The following ME1 variants were observed in gnomAD, a reference collection of about 807,000 sequenced individuals.
ME1 encodes the protein NADP-dependent malic enzyme.
Under a neutral mutation model 66.4 loss-of-function variants are expected in ME1, and 74 were observed. That is an observed-to-expected ratio of 1.11 (90% confidence interval 0.92 to 1.35). ME1 has a LOEUF of 1.35. Among genes scored for constraint, ME1 ranks in the 40% most tolerant of loss-of-function variants. The pLI, the probability that ME1 is intolerant of heterozygous loss-of-function variation, is 0.00. For missense variants in ME1, 750 were observed against 694.1 expected (o/e 1.08, Z -0.90); for synonymous variants, 251 against 235.6 (o/e 1.07, Z -0.60).
At chr6:83,375,298 A>G (rs13196427) in intron 3 of ME1, among the ~76,000 whole-genome samples, 30,051 of 152,052 alleles carry the variant, frequency 0.2, 3,363 homozygotes, top group Middle Eastern at 0.38. Flanking sequence ...TTCTCCTTGA[A>G]GAGGTCCTTC....
intron 8 of ME1, 130 bp from the exon 9 acceptor site, chr6:83,237,960 C>T: frequency 2.0e-6 from 1 of 488,536 alleles, no homozygotes. Flanking sequence ...AGCCAAATAA[C>T]AATTATTTAC....
At chr6:83,280,651 G>T (rs1453889422) in intron 6 of ME1, among the ~76,000 whole-genome samples, 2 of 151,984 alleles carry the variant, frequency 1.3e-5, no homozygotes, top group Non-Finnish European at 2.9e-5. Context: ...CCCATGTTTT[G>T]GCAAGATGGT....
chr6:83,394,803 C>A (rs1052238451), intron 3 of ME1, among the ~76,000 whole-genome samples: 1 of 151,974 alleles, frequency 6.6e-6, no homozygotes, highest in Non-Finnish European at 1.5e-5. Context: ...GTATTTATTT[C>A]GATTGTTTCT....
intron 7 of ME1, among the ~76,000 whole-genome samples, chr6:83,245,549 G>T (rs538009444): frequency 1.3e-5 from 2 of 152,164 alleles, no homozygotes; most frequent in East Asian, 3.9e-4. Context: ...AGGATTACAG[G>T]CATGCACCAT....
At chr6:83,297,232 C>A (rs1281875520) in intron 6 of ME1, among the ~76,000 whole-genome samples, 2 of 151,862 alleles carry the variant, frequency 1.3e-5, no homozygotes, top group East Asian at 3.9e-4. Context: ...TAAAAAAAAA[C>A]CTAGCAATAC....
intron 1 of ME1, among the ~76,000 whole-genome samples, chr6:83,414,195 A>G (rs556189996): frequency 9.2e-4 from 140 of 151,956 alleles, no homozygotes; most frequent in Non-Finnish European, 1.5e-3. Context: ...AATCAGCCAG[A>G]TGACATATGT....
rs1377421976 is a variant in ME1, at chr6:83,223,864, G to C, written c.1345C>G (p.Pro449Ala). 6.2e-7 allele frequency: 1 copy of C among 1,613,976 alleles called. No individual in the cohort carries two copies. ...VTLPNGQTLY[P>A]GQGNNSYVFP... ...ACATAGGAATTGTTGCCTTGGCCAG[G>C]ATATAGGGTCTGTCCATTTGGAAGA... The change falls in exon 12 of 14, where the codon CCT (proline) becomes GCT (alanine). Residue 449 changes from proline (P) to alanine (A), a missense_variant. Physicochemically the swap from Pro to Ala is conservative, Grantham distance 27 (BLOSUM62 -1). Coordinates refer to ENST00000369705, the MANE Select transcript of ME1 (RefSeq NM_002395.6).
At chr6:83,301,198 T>TA (rs201835684) in intron 6 of ME1, among the ~76,000 whole-genome samples, 13 of 150,996 alleles carry the variant, frequency 8.6e-5, no homozygotes, top group East Asian at 1.9e-4. Context: ...AGTATAATAA[T>TA]AAAAAAAAAG....
intron 1 of ME1, among the ~76,000 whole-genome samples, chr6:83,411,279 G>A (rs770379400): frequency 1.3e-5 from 2 of 151,880 alleles, no homozygotes; most frequent in South Asian, 2.1e-4. Flanking sequence ...CAGAAGAATC[G>A]CTTGAACCTG....
intron 3 of ME1, among the ~76,000 whole-genome samples, chr6:83,355,004 C>T (rs1023386178): frequency 6.6e-6 from 1 of 152,130 alleles, no homozygotes; most frequent in African/African-American, 2.4e-5. Flanking sequence ...AGAATATTAA[C>T]TTACTAAGCT....
Position 83,216,497 on chromosome 6 carries a change from C to T in ME1, c.1548+1G>A. The T allele has an allele frequency of 6.3e-7, 1 of 1,592,186 alleles. No individual in the cohort carries two copies. Among genetic ancestry groups the T allele is most frequent in the Non-Finnish European group, 8.6e-7 (1 of 1,168,348 alleles). Reference sequence around the variant, plus strand: ...TGAAGCTTGAACAAGAGTGGTTTTACCTTTTCTGCAATTTTCAGAGAAACA... The same window carrying T: ...TGAAGCTTGAACAAGAGTGGTTTTATCTTTTCTGCAATTTTCAGAGAAACA... On this transcript the variant is annotated splice_donor_variant, in intron 13 of 13. Transcript: ENST00000369705. LOFTEE classifies it high-confidence loss of function.
intron 6 of ME1, among the ~76,000 whole-genome samples, chr6:83,293,721 T>C (rs1767546001): frequency 6.6e-6 from 1 of 152,204 alleles, no homozygotes; most frequent in African/African-American, 2.4e-5. Flanking sequence ...TGTATCTGCT[T>C]CTGACTCAGT....
intron 6 of ME1, among the ~76,000 whole-genome samples, chr6:83,311,370 G>A (rs1464673572): frequency 1.3e-5 from 2 of 152,100 alleles, no homozygotes; most frequent in African/African-American, 4.8e-5. Flanking sequence ...CTGAGATACA[G>A]GATTTAACAT....
In ME1 at chr6:83,322,634, T is replaced by G. The variant is rs142409711; in HGVS notation, c.601-7221A>C. On this transcript the variant is annotated intron_variant, in intron 5 of 13. Coordinates refer to ENST00000369705, the MANE Select transcript of ME1 (RefSeq NM_002395.6). ...AATAATGAAAAGGAATGAAGAAAAC[T>G]TCCAAGAAATATGGGACTATGTGAA... Among the ~76,000 whole-genome samples, 1,353 of 152,106 alleles carry G rather than the reference T, an allele frequency of 8.9e-3. 18 individuals carry two copies. The highest frequency in any genetic ancestry group is 0.031 in the African/African-American group (1,267 of 41,494).
chr6:83,382,282 T>C (rs1769420156), intron 3 of ME1, among the ~76,000 whole-genome samples: 4 of 152,078 alleles, frequency 2.6e-5, no homozygotes, highest in Admixed American at 2.6e-4. Context: ...TCTCAATGCT[T>C]GGTAAAGTGC....
chr6:83,362,392 A>G (rs929276648), intron 3 of ME1, among the ~76,000 whole-genome samples: 8 of 152,224 alleles, frequency 5.3e-5, no homozygotes, highest in African/African-American at 1.9e-4. Context: ...GAGGATTTTA[A>G]TAATCAAGTG....
chr6:83,325,005 A>AG (rs199542936), intron 5 of ME1, among the ~76,000 whole-genome samples: 1 of 151,522 alleles, frequency 6.6e-6, no homozygotes, highest in Non-Finnish European at 1.5e-5. Flanking sequence ...GCACATCAAA[A>AG]CTTATCCACC....
rs773717045 is a variant in ME1, at chr6:83,301,334, CTCTCTT to C, written c.704+13970_704+13975del. The stretch of plus-strand genomic sequence containing the variant: ...TTTCTTTCTCTCTCTCTCTCTCTCT[CTCTCTT>C]TCTTTCTTTCTTTCTTTCTTGAGAT... On this transcript the variant is annotated intron_variant, in intron 6 of 13. Transcript: ENST00000369705. Among the ~76,000 whole-genome samples, 302 of 127,942 alleles carry C rather than the reference CTCTCTT, an allele frequency of 2.4e-3. 1 individual carries two copies. The highest frequency in any genetic ancestry group is 6.1e-3 in the African/African-American group (163 of 26,660). 83.9% of individuals were successfully genotyped at this position (127,942 alleles called of 152,430 possible). A position where few individuals can be genotyped will look rare whatever the true frequency, so the allele number is the denominator to read the frequency against.
Position 83,424,660 on chromosome 6 carries a change from C to T in ME1, c.78+6217G>A, listed in dbSNP as rs567966992. Among the ~76,000 whole-genome samples, 214 of 152,224 alleles carry T rather than the reference C, an allele frequency of 1.4e-3. 1 individual carries two copies. The highest frequency in any genetic ancestry group is 9.3e-4 in the Non-Finnish European group (63 of 68,024). The stretch of plus-strand genomic sequence containing the variant: ...CAAAGTCCAGAAAATGTCTACTAAA[C>T]AAAGCAAGGGAAAGTGCTGTATTAT... On this transcript the variant is annotated intron_variant, in intron 1 of 13. Coordinates refer to ENST00000369705, the MANE Select transcript of ME1 (RefSeq NM_002395.6).
Sources: gnomAD v4.1 joint callset for allele counts (sites outside exome capture counted in the v4.1 genomes callset) on GRCh38, gnomAD v4.1.1 for gene constraint, MANE v1.5 for transcripts, NCBI Gene and HGNC (gene_info 2026-07-23, HGNC 2026-07-21) for gene names.